Variants in CD302 observed in about 807,000 individuals in gnomAD.
The protein encoded by CD302 is CD302 molecule, also known as CD302 antigen.
Under a neutral mutation model 26.5 loss-of-function variants are expected in CD302, and 23 were observed. That is an observed-to-expected ratio of 0.87 (90% CI 0.62 to 1.23). CD302 has a LOEUF of 1.23. Ranked by LOEUF, CD302 falls within the 50% of genes most tolerant of loss-of-function variation. The pLI is 0.00. For synonymous variants in CD302, 90 were observed against 99.4 expected (o/e 0.91, Z 0.56); for missense variants, 290 against 275.5 (o/e 1.05, Z -0.37).
At chr2:159,782,312 C>T (rs1046400574) in intron 2 of CD302, among the ~76,000 whole-genome samples, 5 of 145,012 alleles carry the variant, frequency 3.4e-5, no homozygotes, top group Non-Finnish European at 7.4e-5. Flanking sequence ...ACTCGGGAGG[C>T]TGAGGCAGGA....
rs543349418 is a variant in CD302, at chr2:159,779,998, T to C, written c.469+7A>G. 1.5e-5 allele frequency: 24 copies of C among 1,609,586 alleles called. No individual in the cohort carries two copies. The South Asian group carries it at 2.1e-4, about 14-fold the overall frequency. On this transcript the variant is annotated splice_region_variant and intron_variant, in intron 4 of 5. Coordinates refer to ENST00000259053, the MANE Select transcript of CD302 (RefSeq NM_014880.5). ...TAGAATGGAAAAACACCTTCGGTCATACTTACTAGCTGTTTTGCATAGTGT... is the reference window on the plus strand; with the variant it reads ...TAGAATGGAAAAACACCTTCGGTCACACTTACTAGCTGTTTTGCATAGTGT...
chr2:159,779,212 CAG>C (rs1171534623), intron 4 of CD302, among the ~76,000 whole-genome samples: 1 of 106,248 alleles, frequency 9.4e-6, no homozygotes, highest in Non-Finnish European at 1.7e-5. Context: ...GCCTGGGCGA[CAG>C]AGAGAGACTG....
chr2:159,798,152 A>C lies in CD302; in HGVS notation c.47T>G (p.Leu16Arg), dbSNP rs1302512582. ...CTTACCCGCGACGGCAGCAGCGGCG[A>C]GGCCCAGCAACGGCAGCAGGAGCGC... ...LPALLLPLLG[L>R]AAAAVADCPS... The change falls in exon 1 of 6, where the codon CTC (leucine) becomes CGC (arginine). Residue 16 changes from leucine (L) to arginine (R), a missense_variant. Physicochemically the swap from Leu to Arg is moderately radical, Grantham distance 102. Coordinates refer to ENST00000259053, the MANE Select transcript of CD302 (RefSeq NM_014880.5). 4 of 1,484,578 alleles carry C rather than the reference A, an allele frequency of 2.7e-6. No homozygotes were observed. The highest frequency in any genetic ancestry group is 1.5e-5 in the African/African-American group (1 of 68,310). 92.0% of individuals were successfully genotyped at this position (1,484,578 alleles called of 1,614,324 possible). A position where few individuals can be genotyped will look rare whatever the true frequency, so the allele number is the denominator to read the frequency against.
At chr2:159,798,033 GC>G in intron 1 of CD302, 98 bp downstream of exon 1, 1 of 1,186,328 alleles carries the variant, frequency 8.4e-7, no homozygotes, top group Admixed American at 2.7e-5. Context: ...TGTTGCGTCT[GC>G]GGGCCGCCCT....
intron 4 of CD302, among the ~76,000 whole-genome samples, chr2:159,778,273 TAGA>T (rs2125798012): frequency 6.6e-6 from 1 of 152,282 alleles, no homozygotes; most frequent in South Asian, 2.1e-4. Flanking sequence ...TTGGAGAGTC[TAGA>T]AAACAAATGT....
At chr2:159,772,538 TTG>T (rs1708184383) in intron 5 of CD302, among the ~76,000 whole-genome samples, 1 of 152,220 alleles carries the variant, frequency 6.6e-6, no homozygotes, top group Non-Finnish European at 1.5e-5. Context: ...CATTCATTCT[TTG>T]TGTGTTTCCC....
chr2:159,783,155 T>C (rs1395165791), intron 2 of CD302, among the ~76,000 whole-genome samples: 1 of 152,234 alleles, frequency 6.6e-6, no homozygotes, highest in Non-Finnish European at 1.5e-5. Flanking sequence ...TGGACAATAT[T>C]GTCCAACAAC....
Position 159,769,452 on chromosome 2 carries a change from A to C in CD302, c.*2399T>G, listed in dbSNP as rs569198171. 1 of 152,306 alleles carries C rather than the reference A, an allele frequency of 6.6e-6. No individual in the cohort carries two copies. Among genetic ancestry groups the C allele is most frequent in the African/African-American group, 2.4e-5 (1 of 41,542 alleles). 9.4% of individuals were successfully genotyped at this position (152,306 alleles called of 1,614,324 possible). Reference sequence around the variant, plus strand: ...GAGGTCAGGAGTTTGAGACCAGCCCAGTCAATATGGCGAAACCCCGTCTCT... The same window carrying C: ...GAGGTCAGGAGTTTGAGACCAGCCCCGTCAATATGGCGAAACCCCGTCTCT... On this transcript the variant is annotated 3_prime_UTR_variant, in exon 6 of 6. Transcript: ENST00000259053.
intron 1 of CD302, among the ~76,000 whole-genome samples, chr2:159,795,247 A>G (rs1708921688): frequency 6.6e-6 from 1 of 152,058 alleles, no homozygotes; most frequent in African/African-American, 2.4e-5. Flanking sequence ...AGAAAGAAAG[A>G]AAAGGTGGCA....
chr2:159,774,026 A>T (rs6755596), intron 5 of CD302, among the ~76,000 whole-genome samples: 6,272 of 151,938 alleles, frequency 0.041, 413 homozygotes, highest in African/African-American at 0.14. Flanking sequence ...GTCACCAATG[A>T]TCTCTTTATG....
intron 1 of CD302, among the ~76,000 whole-genome samples, chr2:159,794,898 G>C (rs1574505656): frequency 6.6e-6 from 1 of 151,490 alleles, no homozygotes; most frequent in East Asian, 2.0e-4. Flanking sequence ...AATTTCCCCT[G>C]AAACATAACT....
chr2:159,780,932 T>C lies in CD302; in HGVS notation c.245A>G (p.Gln82Arg), dbSNP rs1016378486. ...TAGGATATCATCTGGGCCTTTCCAT[T>C]GCTTTTTCAAAGTATCCAGTATAAA... ...NAFILDTLKK[Q>R]WKGPDDILLG... The change falls in exon 3 of 6, where the codon CAA becomes CGA. Residue 82 changes from glutamine (Q) to arginine (R), a missense_variant. Gln to Arg is a conservative substitution (Grantham distance 43). Coordinates refer to ENST00000259053, the MANE Select transcript of CD302 (RefSeq NM_014880.5). 6.2e-7 allele frequency: 1 copy of C among 1,613,832 alleles called. No homozygotes were observed. The highest frequency in any genetic ancestry group is 8.5e-7 in the Non-Finnish European group (1 of 1,179,960).
In CD302 at chr2:159,770,738, G is replaced by A. The variant is rs1306777199; in HGVS notation, c.*1113C>T. 6.6e-6 allele frequency: 1 copy of A among 152,096 alleles called. No individual in the cohort carries two copies. Among genetic ancestry groups the A allele is most frequent in the African/African-American group, 2.4e-5 (1 of 41,412 alleles). 9.4% of individuals were successfully genotyped at this position (152,096 alleles called of 1,614,324 possible). On this transcript the variant is annotated 3_prime_UTR_variant, in exon 6 of 6. Coordinates refer to ENST00000259053, the MANE Select transcript of CD302 (RefSeq NM_014880.5). ...TCTGCAGTATTCAGCACAGTAACATGCTGTGTAGGTTTGGGACAAAATAGG... is the reference window on the plus strand; with the variant it reads ...TCTGCAGTATTCAGCACAGTAACATACTGTGTAGGTTTGGGACAAAATAGG...
chr2:159,771,820 G>T lies in CD302; in HGVS notation c.*31C>A. 1.2e-6 allele frequency: 2 copies of T among 1,607,674 alleles called. No individual in the cohort carries two copies. Among genetic ancestry groups the T allele is most frequent in the Admixed American group, 1.7e-5 (1 of 59,836 alleles). ...CAAGTTATCTCTGCCAGGGCATTTTGTTGATGTCTTAGTGCAAGATTACCA... is the reference window on the plus strand; with the variant it reads ...CAAGTTATCTCTGCCAGGGCATTTTTTTGATGTCTTAGTGCAAGATTACCA... On this transcript the variant is annotated 3_prime_UTR_variant, in exon 6 of 6. Coordinates refer to ENST00000259053, the MANE Select transcript of CD302 (RefSeq NM_014880.5).
In CD302 at chr2:159,771,756, T is replaced by G. The variant is rs1209480270; in HGVS notation, c.*95A>C. On this transcript the variant is annotated 3_prime_UTR_variant, in exon 6 of 6. Transcript: ENST00000259053. Reference sequence around the variant, plus strand: ...CTGGAATAAGGAATACCATTAAAGCTCTAATATCCAATGTCAAGTTTTATA... The same window carrying G: ...CTGGAATAAGGAATACCATTAAAGCGCTAATATCCAATGTCAAGTTTTATA... 4.4e-6 allele frequency: 6 copies of G among 1,350,824 alleles called. No homozygotes were observed. The highest frequency in any genetic ancestry group is 5.1e-6 in the Non-Finnish European group (5 of 978,700). The allele number at this position is 1,350,824 out of a possible 1,614,324, so 83.7% of individuals were successfully genotyped here.
rs1326961151 is a variant in CD302, at chr2:159,777,974, A to C, written c.470-10T>G. 3 of 926,864 alleles carry C rather than the reference A, an allele frequency of 3.2e-6. No individual in the cohort carries two copies. The allele number at this position is 926,864 out of a possible 1,614,324, so 57.4% of individuals were successfully genotyped here. On this transcript the variant is annotated splice_polypyrimidine_tract_variant and intron_variant, in intron 4 of 5. Transcript: ENST00000259053. Reference sequence around the variant, plus strand: ...TTCCTTTTGTATGGGACTAAAATACAAAAGAAAATAAAAATTAGAATTTAA... The same window carrying C: ...TTCCTTTTGTATGGGACTAAAATACCAAAGAAAATAAAAATTAGAATTTAA...
intron 1 of CD302, among the ~76,000 whole-genome samples, chr2:159,794,307 A>AAATAAAATAATAAT (rs1553795860): frequency 4.2e-4 from 24 of 56,698 alleles, no homozygotes; most frequent in South Asian, 4.0e-3. Flanking sequence ...TAAAATAATA[A>AAATAAAATAATAAT]AAAAAAAAAC....
chr2:159,794,123 G>C (rs1014282193), intron 1 of CD302, among the ~76,000 whole-genome samples: 5 of 151,318 alleles, frequency 3.3e-5, no homozygotes, highest in African/African-American at 1.2e-4. Context: ...AAATTAGCAG[G>C]GCATGGTGGC....
At chr2:159,778,696 T>TA (rs1708412982) in intron 4 of CD302, among the ~76,000 whole-genome samples, 1 of 152,122 alleles carries the variant, frequency 6.6e-6, no homozygotes, top group Admixed American at 6.5e-5. Flanking sequence ...TTTGAAACAT[T>TA]AAAAAAACTA....
Sources: gnomAD v4.1 joint callset for allele counts (sites outside exome capture counted in the v4.1 genomes callset) on GRCh38, gnomAD v4.1.1 for gene constraint, MANE v1.5 for transcripts, NCBI Gene and HGNC (gene_info 2026-07-23, HGNC 2026-07-21) for gene names.